Variants in ULK4 observed in about 807,000 individuals in gnomAD.
ULK4 encodes the protein unc-51 like kinase 4.
Under a neutral mutation model 160.6 loss-of-function variants are expected in ULK4, and 133 were observed. The observed-to-expected ratio is 0.83, with a 90% CI of 0.72 to 0.96. The LOEUF (loss-of-function observed/expected upper bound fraction) is 0.96. Ranked by LOEUF, ULK4 falls within the 40% of genes least tolerant of loss-of-function variation. ULK4 has a pLI of 0.00. For synonymous variants in ULK4, 534 were observed against 539.8 expected (o/e 0.99, Z 0.15); for missense variants, 1,580 against 1,499.5 (o/e 1.05, Z -0.89).
At chr3:41,616,923 A>T (rs913333765) in intron 30 of ULK4, among the ~76,000 whole-genome samples, 1 of 152,082 alleles carries the variant, frequency 6.6e-6, no homozygotes, top group Non-Finnish European at 1.5e-5. Flanking sequence ...TCTGAAATTG[A>T]CCTGGGATGA....
chr3:41,688,371 T>G (rs6776173), intron 27 of ULK4, among the ~76,000 whole-genome samples: 1 of 152,100 alleles, frequency 6.6e-6, no homozygotes, highest in Non-Finnish European at 1.5e-5. Flanking sequence ...CTGAGCCACA[T>G]AGTGGAACCC....
intron 22 of ULK4, among the ~76,000 whole-genome samples, chr3:41,750,102 A>G (rs906840844): frequency 1.3e-5 from 2 of 152,198 alleles, no homozygotes; most frequent in African/African-American, 2.4e-5. Context: ...CAACACCTTG[A>G]CATCAAGTAT....
At position 41,484,993 on chromosome 3, in the gene ULK4, T is replaced by C. The variant is rs147664074; in HGVS notation, c.3227-21740A>G. ...ATATTCTAAAGCTAAAAATCAGACATTGGAATAACCTAATGTAAAGAAAAA... is the reference window on the plus strand; with the variant it reads ...ATATTCTAAAGCTAAAAATCAGACACTGGAATAACCTAATGTAAAGAAAAA... On this transcript the variant is annotated intron_variant, in intron 32 of 36. Coordinates refer to ENST00000301831, the MANE Select transcript of ULK4 (RefSeq NM_017886.4). Among the ~76,000 whole-genome samples, 63 of 152,328 alleles carry C rather than the reference T, an allele frequency of 4.1e-4. No homozygotes were observed. The East Asian group carries it at 0.011, about 27-fold the overall frequency.
rs2038806440 is a variant in ULK4 at position 41,756,457 on chromosome 3, T to A, written c.2194-1969A>T. On this transcript the variant is annotated intron_variant, in intron 21 of 36. Transcript: ENST00000301831. ...AGGTTCTTCATGGTCTGGCTTTTCA[T>A]TATCTTCCCAAAATCATGTATCATA... is the stretch of plus-strand genomic sequence containing the variant. Among the ~76,000 whole-genome samples, 5 of 152,202 alleles carry A rather than the reference T, an allele frequency of 3.3e-5. No homozygotes were observed. In the South Asian group the frequency reaches 1.0e-3, roughly 31 times the overall value.
chr3:41,888,350 A>T (rs764152810), intron 16 of ULK4, among the ~76,000 whole-genome samples: 1 of 152,236 alleles, frequency 6.6e-6, no homozygotes, highest in Non-Finnish European at 1.5e-5. Flanking sequence ...AACAAAAAGG[A>T]AGGCTAAAAG....
rs980671114 is a variant in ULK4 at position 41,618,195 on chromosome 3, A to G, written c.3072-2478T>C. On this transcript the variant is annotated intron_variant, in intron 30 of 36. Coordinates refer to ENST00000301831, the MANE Select transcript of ULK4 (RefSeq NM_017886.4). Reference sequence around the variant, plus strand: ...GGAGAATGGAACAAAGTTAAAAAACATATTTCAGGATATTATCCAGGAGAA... The same window carrying G: ...GGAGAATGGAACAAAGTTAAAAAACGTATTTCAGGATATTATCCAGGAGAA... Among the ~76,000 whole-genome samples the G allele has an allele frequency of 5.3e-5, 8 of 152,240 alleles. No individual in the cohort carries two copies. In the South Asian group the frequency reaches 6.2e-4, roughly 12 times the overall value.
At chr3:41,942,174 TACAC>T (rs1023400187) in intron 2 of ULK4, among the ~76,000 whole-genome samples, 22 of 152,130 alleles carry the variant, frequency 1.4e-4, no homozygotes, top group African/African-American at 5.1e-4. Flanking sequence ...AGATGTGAAA[TACAC>T]ACAGTATTCT....
intron 32 of ULK4, among the ~76,000 whole-genome samples, chr3:41,517,529 C>T (rs1420519656): frequency 6.6e-6 from 1 of 152,206 alleles, no homozygotes; most frequent in Non-Finnish European, 1.5e-5. Flanking sequence ...TGACCTTGAA[C>T]TTCTCAGCCT....
intron 21 of ULK4, among the ~76,000 whole-genome samples, chr3:41,760,183 T>C (rs1190250739): frequency 6.6e-6 from 1 of 152,126 alleles, no homozygotes; most frequent in Admixed American, 6.5e-5. Flanking sequence ...GCAAGGATGC[T>C]CAATATCATA....
chr3:41,824,444 G>A (rs2041269434), intron 18 of ULK4, among the ~76,000 whole-genome samples: 1 of 152,134 alleles, frequency 6.6e-6, no homozygotes, highest in Non-Finnish European at 1.5e-5. Flanking sequence ...GACGGCACCT[G>A]GAAAATCGGG....
intron 35 of ULK4, among the ~76,000 whole-genome samples, chr3:41,297,603 G>C (rs2079695519): frequency 6.6e-6 from 1 of 152,170 alleles, no homozygotes; most frequent in Non-Finnish European, 1.5e-5. Flanking sequence ...GCAAATCAGT[G>C]TCCTTTGGGA....
At chr3:41,562,661 A>T (rs967176893) in intron 32 of ULK4, among the ~76,000 whole-genome samples, 1 of 152,008 alleles carries the variant, frequency 6.6e-6, no homozygotes, top group African/African-American at 2.4e-5. Flanking sequence ...AGTCTGTTTT[A>T]TCAGAGACTG....
intron 27 of ULK4, among the ~76,000 whole-genome samples, chr3:41,684,030 T>C (rs900295726): frequency 1.3e-5 from 2 of 152,186 alleles, no homozygotes; most frequent in African/African-American, 2.4e-5. Context: ...GACATCTGAT[T>C]GCCCCATGCA....
intron 35 of ULK4, among the ~76,000 whole-genome samples, chr3:41,308,507 T>G (rs2079990761): frequency 6.6e-6 from 1 of 151,470 alleles, no homozygotes; most frequent in African/African-American, 2.4e-5. Flanking sequence ...ACACAGATAC[T>G]GGAAACAGAT....
Position 41,896,761 on chromosome 3 carries a change from C to T in ULK4, c.1530+61G>A, listed in dbSNP as rs956865029. On this transcript the variant is annotated intron_variant, in intron 15 of 36. Transcript: ENST00000301831. ...GTTAAATCAAATTGTTATTTTAGCA[C>T]TTGTTTGAGCCTCTATAAAAACACA... is the stretch of plus-strand genomic sequence containing the variant. 32 of 1,485,520 alleles carry T rather than the reference C, an allele frequency of 2.2e-5. No individual in the cohort carries two copies. In the African/African-American group the frequency reaches 3.1e-4, roughly 14 times the overall value. The allele number at this position is 1,485,520 out of a possible 1,614,324, so 92.0% of individuals were successfully genotyped here. A position where few individuals can be genotyped will look rare whatever the true frequency, so the allele number is the denominator to read the frequency against.
At chr3:41,540,901 G>C (rs1374787224) in intron 32 of ULK4, among the ~76,000 whole-genome samples, 4 of 151,868 alleles carry the variant, frequency 2.6e-5, no homozygotes, top group African/African-American at 9.7e-5. Flanking sequence ...TTGTAAATTT[G>C]CTAAGTTCTT....
chr3:41,659,169 T>C (rs928081392), intron 30 of ULK4, among the ~76,000 whole-genome samples: 10 of 152,222 alleles, frequency 6.6e-5, no homozygotes, highest in Admixed American at 5.9e-4. Flanking sequence ...AAATGTAAAT[T>C]GGTACAACCC....
chr3:41,280,485 G>A (rs1265521268), intron 35 of ULK4, among the ~76,000 whole-genome samples: 1 of 152,292 alleles, frequency 6.6e-6, no homozygotes, highest in African/African-American at 2.4e-5. Context: ...AATCAAATTA[G>A]AACTCAGGAT....
chr3:41,289,858 CGTAT>C (rs55905542), intron 35 of ULK4, among the ~76,000 whole-genome samples: 2,097 of 107,622 alleles, frequency 0.019, 46 homozygotes, highest in African/African-American at 0.068. Context: ...TATGTATGTA[CGTAT>C]GTATGTATGT....
Sources: allele counts gnomAD v4.1 joint callset (sites outside exome capture counted in the v4.1 genomes callset), GRCh38; gene constraint gnomAD v4.1.1; transcripts MANE v1.5; gene names NCBI Gene and HGNC (gene_info 2026-07-23, HGNC 2026-07-21).